The following CFAP57 variants were observed in gnomAD, a reference collection of about 807,000 sequenced individuals.
CFAP57 encodes the protein cilia- and flagella-associated protein 57.
A neutral mutation model predicts 146.8 loss-of-function variants in CFAP57; 116 were observed. That is an observed-to-expected ratio of 0.79 (90% CI 0.68 to 0.92). The LOEUF (loss-of-function observed/expected upper bound fraction) is 0.92, where lower values mean the gene tolerates loss of function less well. CFAP57 is among the 40% of genes least tolerant of loss of function. CFAP57 has a pLI of 0.00. For missense variants in CFAP57, 1,377 were observed against 1,527.2 expected (o/e 0.90, Z 1.64); for synonymous variants, 518 against 552.8 (o/e 0.94, Z 0.88).
rs148793218 is a variant in CFAP57, at chr1:43,199,366, C to T, written c.1429-24C>T. ...AGACTGCTCACTTCCTGCTTGCTTGCTCTCTTGCTGTCTTTCCCTATAGTG... is the reference window on the plus strand; with the variant it reads ...AGACTGCTCACTTCCTGCTTGCTTGTTCTCTTGCTGTCTTTCCCTATAGTG... On this transcript the variant is annotated intron_variant, in intron 8 of 22. Coordinates refer to ENST00000372492, the MANE Select transcript of CFAP57 (RefSeq NM_001378189.1). 27 of 1,608,626 alleles carry T rather than the reference C, an allele frequency of 1.7e-5. No homozygotes were observed. The African/African-American group carries it at 2.4e-4, about 14-fold the overall frequency.
At chr1:43,215,557 G>C in intron 12 of CFAP57, 141 bp downstream of exon 12, 1 of 990,838 alleles carries the variant, frequency 1.0e-6, no homozygotes, top group Non-Finnish European at 1.4e-6. Flanking sequence ...CACATCTGCT[G>C]TCCCCACAAC....
At chr1:43,183,983 T>G in intron 4 of CFAP57, 106 bp downstream of exon 4, 1 of 1,399,650 alleles carries the variant, frequency 7.1e-7, no homozygotes, top group Non-Finnish European at 1.0e-6. Context: ...ACCGTAAAAG[T>G]CAACTATGCC....
intron 10 of CFAP57, among the ~76,000 whole-genome samples, chr1:43,208,245 T>C (rs1644439495): frequency 6.6e-6 from 1 of 152,204 alleles, no homozygotes; most frequent in Non-Finnish European, 1.5e-5. Flanking sequence ...AGTGTGGTGA[T>C]TCCTCAAGGA....
intron 22 of CFAP57, among the ~76,000 whole-genome samples, chr1:43,245,077 A>G (rs1646063929): frequency 6.6e-6 from 1 of 152,218 alleles, no homozygotes; most frequent in African/African-American, 2.4e-5. Flanking sequence ...TGGGAGGCCA[A>G]GGCGAGCGGA....
intron 2 of CFAP57, among the ~76,000 whole-genome samples, chr1:43,180,238 T>TATAA (rs1363991276): frequency 7.3e-6 from 1 of 137,816 alleles, no homozygotes; most frequent in African/African-American, 2.6e-5. Context: ...TATATATATA[T>TATAA]AAAATATATA....
At position 43,234,299 on chromosome 1, in the gene CFAP57, G is replaced by A. The variant is rs2484714; in HGVS notation, c.3147G>A (p.Leu1049=). ...ERQKERDLEA[L]VKRFKTDLHN... Reference sequence around the variant, plus strand: ...TGCAGGAGCGAGACTTGGAAGCGCTGGTCAAAAGGTTTAAAACAGACCTCC... The same window carrying A: ...TGCAGGAGCGAGACTTGGAAGCGCTAGTCAAAAGGTTTAAAACAGACCTCC... Residue 1049 remains leucine, a synonymous_variant, in exon 20 of 23, where the codon CTG becomes CTA. Coordinates refer to ENST00000372492, the MANE Select transcript of CFAP57 (RefSeq NM_001378189.1). 89,843 of 1,548,440 alleles carry A rather than the reference G, an allele frequency of 0.058. 3,727 individuals carry two copies. Among genetic ancestry groups the A allele is most frequent in the East Asian group, 0.19 (7,793 of 40,832 alleles).
chr1:43,237,090 C>T (rs2124634127), intron 21 of CFAP57, among the ~76,000 whole-genome samples: 1 of 152,184 alleles, frequency 6.6e-6, no homozygotes, highest in African/African-American at 2.4e-5. Flanking sequence ...ATTCCAGACC[C>T]TCAGTTGGTG....
chr1:43,184,381 T>A (rs567023834), intron 4 of CFAP57, among the ~76,000 whole-genome samples: 2 of 152,314 alleles, frequency 1.3e-5, no homozygotes, highest in Admixed American at 6.5e-5. Context: ...ATAATAGAGA[T>A]GCCACGTTAT....
chr1:43,210,397 T>A (rs1644551665), intron 11 of CFAP57: 1 of 1,222,060 alleles, frequency 8.2e-7, no homozygotes, highest in Non-Finnish European at 1.0e-6. Flanking sequence ...GTATCTATGT[T>A]CAACAGTCAA....
intron 21 of CFAP57, among the ~76,000 whole-genome samples, chr1:43,241,861 A>G (rs187101510): frequency 5.7e-4 from 86 of 152,190 alleles, no homozygotes; most frequent in Non-Finnish European, 9.7e-4. Context: ...GGGCTCTAAG[A>G]GCAAAGTGGC....
At chr1:43,215,477 A>G (rs2124526863) in intron 12 of CFAP57, 61 bp downstream of exon 12, 1 of 1,517,888 alleles carries the variant, frequency 6.6e-7, no homozygotes. Flanking sequence ...ATTCAGATGC[A>G]GGTCCAGCAC....
At chr1:43,226,823 G>C (rs1384403891) in intron 17 of CFAP57, among the ~76,000 whole-genome samples, 160 bp from the exon 18 acceptor site, 5 of 152,164 alleles carry the variant, frequency 3.3e-5, no homozygotes, top group African/African-American at 1.2e-4. Flanking sequence ...TAGCCCCATG[G>C]GGGGAGTGCC....
intron 2 of CFAP57, among the ~76,000 whole-genome samples, chr1:43,174,958 G>A (rs1003825875): frequency 6.6e-6 from 1 of 152,106 alleles, no homozygotes; most frequent in Non-Finnish European, 1.5e-5. Flanking sequence ...TATTCCAGCT[G>A]GGATCATTTT....
At chr1:43,182,727 G>C (rs2764423) in intron 3 of CFAP57, among the ~76,000 whole-genome samples, 28,737 of 152,078 alleles carry the variant, frequency 0.19, 4,037 homozygotes, top group African/African-American at 0.38. Context: ...CCTGATGAAG[G>C]ACCTCCTGCT....
At chr1:43,230,358 G>A (rs1201652797) in intron 18 of CFAP57, among the ~76,000 whole-genome samples, 4 of 152,072 alleles carry the variant, frequency 2.6e-5, no homozygotes, top group African/African-American at 7.2e-5. Context: ...CCTGGCCCCC[G>A]TCTTGCTCTT....
intron 9 of CFAP57, 125 bp from the exon 10 acceptor site, chr1:43,206,595 G>A (rs1266416610): frequency 5.3e-5 from 45 of 852,904 alleles, no homozygotes; most frequent in Non-Finnish European, 8.4e-5. Context: ...GCTAACAGAA[G>A]GGCCTACAGC....
chr1:43,228,383 G>A (rs56195803), intron 18 of CFAP57, among the ~76,000 whole-genome samples: 7,918 of 149,984 alleles, frequency 0.053, 754 homozygotes, highest in South Asian at 0.18. Context: ...GACCGCCCTA[G>A]ACAAAATAGG....
At chr1:43,184,984 G>A in intron 4 of CFAP57, 165 bp from the exon 5 acceptor site, 2 of 728,378 alleles carry the variant, frequency 2.7e-6, no homozygotes, top group Admixed American at 2.1e-5. Context: ...GCCATGTGCA[G>A]TTTGTGTACG....
rs185321354 is a variant in CFAP57, at chr1:43,243,297, A to G, written c.3476A>G (p.Tyr1159Cys). 4.8e-5 allele frequency: 75 copies of G among 1,548,594 alleles called. 1 individual carries two copies. The Admixed American group carries it at 1.4e-3, about 28-fold the overall frequency. ...CTGAAGTTCACTCGGTCCCAAGTCT[A>G]TGACCTTGAAGCAGCTCTGAAACTG... ...RELKFTRSQV[Y>C]DLEAALKLTK... Residue 1159 changes from tyrosine (Y) to cysteine (C), a missense_variant, in exon 22 of 23, where the codon TAT (tyrosine) becomes TGT (cysteine). Coordinates refer to ENST00000372492, the MANE Select transcript of CFAP57 (RefSeq NM_001378189.1).
Sources: gnomAD v4.1 joint callset for allele counts (sites outside exome capture counted in the v4.1 genomes callset) on GRCh38, gnomAD v4.1.1 for gene constraint, MANE v1.5 for transcripts, NCBI Gene and HGNC (gene_info 2026-07-23, HGNC 2026-07-21) for gene names.